The following MAP3K2 variants were observed in gnomAD, a reference collection of about 807,000 sequenced individuals.
The protein encoded by MAP3K2 is MAP/ERK kinase kinase 2.
MAP3K2 carries 24 observed loss-of-function variants against 80.3 expected under a neutral mutation model. That is an observed-to-expected ratio of 0.30 (90% CI 0.22 to 0.42). MAP3K2 has a LOEUF of 0.42. MAP3K2 is among the 10% of genes least tolerant of loss of function. The pLI, the probability that MAP3K2 is intolerant of heterozygous loss-of-function variation, is 1.00. For synonymous variants in MAP3K2, 244 were observed against 253.7 expected, an observed-to-expected ratio of 0.96 and a Z score of 0.36; for missense variants, 608 against 750.1, an observed-to-expected ratio of 0.81 and a Z score of 2.21.
At chr2:127,373,359 T>C (rs1392415369) in intron 1 of MAP3K2, among the ~76,000 whole-genome samples, 4 of 152,214 alleles carry the variant, frequency 2.6e-5, no homozygotes, top group Non-Finnish European at 5.9e-5. Context: ...GGAAATATCT[T>C]GGATACAGAC....
chr2:127,338,306 A>G (rs1240009588), intron 3 of MAP3K2, among the ~76,000 whole-genome samples: 1 of 152,190 alleles, frequency 6.6e-6, no homozygotes, highest in Non-Finnish European at 1.5e-5. Context: ...AGAATGCTAC[A>G]ATTCTTTATG....
intron 1 of MAP3K2, among the ~76,000 whole-genome samples, chr2:127,368,369 T>C (rs1687008304): frequency 6.6e-6 from 1 of 151,844 alleles, no homozygotes; most frequent in South Asian, 2.1e-4. Context: ...ACACCTGTAA[T>C]CCCAGCACTT....
intron 14 of MAP3K2, among the ~76,000 whole-genome samples, chr2:127,315,712 G>A (rs1685888586): frequency 6.6e-6 from 1 of 152,156 alleles, no homozygotes; most frequent in Non-Finnish European, 1.5e-5. Flanking sequence ...AGTGAGGAAG[G>A]CAGATCACCT....
At chr2:127,313,208 G>C (rs1316343481) in intron 15 of MAP3K2, among the ~76,000 whole-genome samples, 1 of 152,160 alleles carries the variant, frequency 6.6e-6, no homozygotes, top group East Asian at 1.9e-4. Flanking sequence ...GGCAAAGTTT[G>C]AAGAAGATCC....
intron 1 of MAP3K2, among the ~76,000 whole-genome samples, chr2:127,384,225 T>C (rs942074856): frequency 2.0e-5 from 3 of 150,372 alleles, no homozygotes; most frequent in Non-Finnish European, 4.4e-5. Context: ...TATATATATA[T>C]ATATATATAT....
In MAP3K2 at chr2:127,337,762, T is replaced by C. The variant is rs1244617290; in HGVS notation, c.140A>G (p.Lys47Arg). Residue 47 changes from lysine (K) to arginine (R), a missense_variant, in exon 4 of 17, where the codon AAA becomes AGA. Around this residue, in one of 4 missense-constraint regions of MAP3K2, gnomAD observed 467 missense variants for 521.9 expected, o/e 0.89. Transcript: ENST00000682094. ...SPKKQNDVRV[K>R]FEHRGEKRIL... ...CCTTTTTTCTCCTCTATGTTCAAATTTGACTCGGACATCATTCTGTAATGA... is the reference window on the plus strand; with the variant it reads ...CCTTTTTTCTCCTCTATGTTCAAATCTGACTCGGACATCATTCTGTAATGA... 6.5e-7 allele frequency: 1 copy of C among 1,530,584 alleles called. No homozygotes were observed. The highest frequency in any genetic ancestry group is 8.9e-7 in the Non-Finnish European group (1 of 1,128,548). 94.8% of individuals were successfully genotyped at this position (1,530,584 alleles called of 1,614,324 possible).
chr2:127,327,602 A>C (rs1042353846), intron 7 of MAP3K2, among the ~76,000 whole-genome samples: 2 of 151,602 alleles, frequency 1.3e-5, no homozygotes, highest in Admixed American at 6.6e-5. Context: ...TTGTCTCCTT[A>C]TTTGACAACC....
At chr2:127,329,069 C>T (rs1184810698) in intron 7 of MAP3K2, among the ~76,000 whole-genome samples, 1 of 152,074 alleles carries the variant, frequency 6.6e-6, no homozygotes, top group Non-Finnish European at 1.5e-5. Context: ...GTTGAGAGTA[C>T]CTGTGTCAAA....
rs1223353072 is a variant in MAP3K2 at position 127,346,409 on chromosome 2, T to TAAAAAA, written c.-65-3216_-65-3215insTTTTTT. 7.2e-3 allele frequency among the ~76,000 whole-genome samples: 614 copies of TAAAAAA among 85,092 alleles called. 6 individuals carry two copies. The highest frequency in any genetic ancestry group is 0.01 in the Non-Finnish European group (440 of 42,608). The allele number at this position is 85,092 out of a possible 152,430, so 55.8% of individuals were successfully genotyped here. A position where few individuals can be genotyped will look rare whatever the true frequency, so the allele number is the denominator to read the frequency against. ...TTTACAGAATTTACAAAAACTGGTT[T>TAAAAAA]TAAAAAAAAAAAAAAAAAAAAAAGA... is the stretch of plus-strand genomic sequence containing the variant. On this transcript the variant is annotated intron_variant, in intron 1 of 16. Coordinates refer to ENST00000682094, the MANE Select transcript of MAP3K2 (RefSeq NM_001371910.2).
chr2:127,379,326 T>C (rs1016670848), intron 1 of MAP3K2, among the ~76,000 whole-genome samples: 2 of 152,164 alleles, frequency 1.3e-5, no homozygotes, highest in Non-Finnish European at 2.9e-5. Context: ...GAATACTTAT[T>C]ATATGCTAGG....
intron 15 of MAP3K2, among the ~76,000 whole-genome samples, chr2:127,312,414 C>T (rs1424265244): frequency 3.3e-5 from 5 of 152,058 alleles, no homozygotes; most frequent in Non-Finnish European, 7.4e-5. Flanking sequence ...TTTTCTCTTA[C>T]GATTTAAAAG....
intron 1 of MAP3K2, among the ~76,000 whole-genome samples, chr2:127,375,675 T>C (rs2104894843): frequency 6.6e-6 from 1 of 152,284 alleles, no homozygotes; most frequent in Admixed American, 6.5e-5. Flanking sequence ...CCCAAAGTGC[T>C]GGGATTAATT....
In MAP3K2 at chr2:127,306,774, AT is replaced by A. The variant is rs111419582; in HGVS notation, c.*804del. On this transcript the variant is annotated 3_prime_UTR_variant, in exon 17 of 17. Transcript: ENST00000682094. The surrounding 1 kb of genome is among the most constrained non-coding windows in gnomAD (Gnocchi z 4.7). ...ATGTGGTCTCTTCTACTGCTCACACATTTGATAAGAGTGATGTCCTTTTGTC... is the reference window on the plus strand; with the variant it reads ...ATGTGGTCTCTTCTACTGCTCACACATTGATAAGAGTGATGTCCTTTTGTC... 1.3e-5 allele frequency: 2 copies of A among 152,256 alleles called. No individual in the cohort carries two copies. Among genetic ancestry groups the A allele is most frequent in the African/African-American group, 4.8e-5 (2 of 41,356 alleles). 9.4% of individuals were successfully genotyped at this position (152,256 alleles called of 1,614,324 possible). A position where few individuals can be genotyped will look rare whatever the true frequency, so the allele number is the denominator to read the frequency against.
chr2:127,355,877 T>C (rs1327905263), intron 1 of MAP3K2, among the ~76,000 whole-genome samples: 3 of 152,196 alleles, frequency 2.0e-5, no homozygotes, highest in East Asian at 3.8e-4. Context: ...ATTGCTGCTT[T>C]ACCAGTAAGT....
chr2:127,383,194 C>T (rs1296853014), intron 1 of MAP3K2, among the ~76,000 whole-genome samples: 1 of 152,202 alleles, frequency 6.6e-6, no homozygotes, highest in East Asian at 1.9e-4. Flanking sequence ...ATCCAGTCAC[C>T]TCCCACCAGG....
intron 1 of MAP3K2, among the ~76,000 whole-genome samples, chr2:127,377,878 C>A (rs535220454): frequency 6.6e-6 from 1 of 152,180 alleles, no homozygotes; most frequent in African/African-American, 2.4e-5. Context: ...CAAGATAATA[C>A]AGATTCAACT....
intron 1 of MAP3K2, among the ~76,000 whole-genome samples, chr2:127,374,587 C>A (rs1660447776): frequency 6.6e-6 from 1 of 152,188 alleles, no homozygotes; most frequent in Admixed American, 6.5e-5. Flanking sequence ...AGGACTAGAA[C>A]CTAATCAGTT....
At chr2:127,355,838 T>C (rs1216082751) in intron 1 of MAP3K2, among the ~76,000 whole-genome samples, 1 of 152,160 alleles carries the variant, frequency 6.6e-6, no homozygotes, top group African/African-American at 2.4e-5. Flanking sequence ...GAATCAAGCC[T>C]CCCAAACCCT....
chr2:127,350,415 G>A (rs1320389879), intron 1 of MAP3K2, among the ~76,000 whole-genome samples: 7 of 128,322 alleles, frequency 5.5e-5, no homozygotes, highest in Non-Finnish European at 9.4e-5. Context: ...CCACCAGGGC[G>A]ACATGGCAAG....
Sources: gnomAD v4.1 joint callset for allele counts (sites outside exome capture counted in the v4.1 genomes callset) on GRCh38, gnomAD v4.1.1 for gene constraint, gnomAD v4.1.1 regional missense constraint, Gnocchi (gnomAD v3.1) non-coding constraint, MANE v1.5 for transcripts, NCBI Gene and HGNC (gene_info 2026-07-23, HGNC 2026-07-21) for gene names.